Variants in HK3 observed in about 807,000 individuals in gnomAD.
HK3 encodes hexokinase 3, also known as hexokinase-3.
HK3 carries 93 observed loss-of-function variants against 91.0 expected under a neutral mutation model. The observed-to-expected ratio is 1.02, with a 90% CI of 0.86 to 1.21. HK3 has a LOEUF of 1.21. Ranked by LOEUF, HK3 falls within the 50% of genes most tolerant of loss-of-function variation. HK3 has a pLI of 0.00. For synonymous variants in HK3, 519 were observed against 516.9 expected (o/e 1.00, Z -0.06); for missense variants, 1,235 against 1,247.4 (o/e 0.99, Z 0.15).
Position 176,890,731 on chromosome 5 carries a change from C to G in HK3, c.535-1G>C. On this transcript the variant is annotated splice_acceptor_variant, in intron 5 of 18. Coordinates refer to ENST00000292432, the MANE Select transcript of HK3 (RefSeq NM_002115.3). LOFTEE classifies it high-confidence loss of function. ...CTTTGGTCCAGGAAATGAGGGTGCT[C>G]TGGAGGTAGAGAAGCTGGGTTACTC... 6.2e-7 allele frequency: 1 copy of G among 1,614,216 alleles called. No individual in the cohort carries two copies.
rs1022726806 is a variant in HK3, at chr5:176,884,683, G to T, written c.1858-549C>A. Among the ~76,000 whole-genome samples the T allele has an allele frequency of 2.0e-5, 3 of 152,240 alleles. No homozygotes were observed. The highest frequency in any genetic ancestry group is 4.8e-5 in the African/African-American group (2 of 41,458). On this transcript the variant is annotated intron_variant, in intron 13 of 18. Coordinates refer to ENST00000292432, the MANE Select transcript of HK3 (RefSeq NM_002115.3). This position sits in a 1 kb window ranked among gnomAD's most constrained non-coding sequence, Gnocchi z 4.1. The stretch of plus-strand genomic sequence containing the variant: ...ACCCAGGCCCCTGGGCAGGATGAAG[G>T]CTGAGTGCCCAGATTGTGAGAAAAG...
At chr5:176,883,327 A>G (rs1474497560) in intron 15 of HK3, among the ~76,000 whole-genome samples, 1 of 152,178 alleles carries the variant, frequency 6.6e-6, no homozygotes, top group Non-Finnish European at 1.5e-5. Flanking sequence ...TCCAAACACC[A>G]GGTGTGTACC....
At chr5:176,890,139 AGAC>A (rs1758727093) in intron 6 of HK3, among the ~76,000 whole-genome samples, 1 of 152,162 alleles carries the variant, frequency 6.6e-6, no homozygotes, top group South Asian at 2.1e-4. Flanking sequence ...AGGTTAGCCC[AGAC>A]GGATCAGCCT....
chr5:176,884,416 G>A lies in HK3; in HGVS notation c.1858-282C>T, dbSNP rs565562158. 9.2e-5 allele frequency among the ~76,000 whole-genome samples: 14 copies of A among 152,354 alleles called. No homozygotes were observed. The South Asian group carries it at 1.7e-3, about 18-fold the overall frequency. ...CTGGCCATTTTAAGACGTGTGCCCG[G>A]AAGGAATGGCCCTTTGTAATTGGGT... On this transcript the variant is annotated intron_variant, in intron 13 of 18. Coordinates refer to ENST00000292432, the MANE Select transcript of HK3 (RefSeq NM_002115.3). The surrounding 1 kb of genome is among the most constrained non-coding windows in gnomAD (Gnocchi z 4.1).
At position 176,887,888 on chromosome 5, in the gene HK3, G is replaced by C; in HGVS notation, c.1305-142C>G. 1.4e-6 allele frequency: 1 copy of C among 737,860 alleles called. No homozygotes were observed. The highest frequency in any genetic ancestry group is 2.2e-6 in the Non-Finnish European group (1 of 457,938). The allele number at this position is 737,860 out of a possible 1,614,324, so 45.7% of individuals were successfully genotyped here. On this transcript the variant is annotated intron_variant, in intron 10 of 18. Transcript: ENST00000292432. The surrounding 1 kb of genome is among the most constrained non-coding windows in gnomAD (Gnocchi z 4.9). ...CCCCTAGGGCCTCCTGAAGCCCAAG[G>C]CCCCATCACTTTTTTTTTTTTATTT...
Position 176,896,150 on chromosome 5 carries a change from T to C in HK3, c.10A>G (p.Ile4Val). The change falls in exon 2 of 19, where the codon ATT becomes GTT. Residue 4 changes from isoleucine to valine, a missense_variant. Transcript: ENST00000292432. Reference protein sequence around the residue: MDSIGSSGLRQGEE... With the variant: MDSVGSSGLRQGEE... ...CCCTGCCGCAACCCTGAAGACCCAA[T>C]GGAGTCCATGAGCTTCCACAGTGGA... The C allele has an allele frequency of 6.2e-7, 1 of 1,607,470 alleles. No homozygotes were observed. The highest frequency in any genetic ancestry group is 8.5e-7 in the Non-Finnish European group (1 of 1,177,264).
Position 176,880,987 on chromosome 5 carries a change from GTGGCTGGGCC to G in HK3, c.*76_*85del. ...ACATGGGATGTCCCAGGAGTCCTGGGTGGCTGGGCCTGGCTGGGAAACAGGCAGACCCCGA... is the reference window on the plus strand; with the variant it reads ...ACATGGGATGTCCCAGGAGTCCTGGGTGGCTGGGAAACAGGCAGACCCCGA... On this transcript the variant is annotated 3_prime_UTR_variant, in exon 19 of 19. Coordinates refer to ENST00000292432, the MANE Select transcript of HK3 (RefSeq NM_002115.3). 6.9e-7 allele frequency: 1 copy of G among 1,454,140 alleles called. No individual in the cohort carries two copies. The highest frequency in any genetic ancestry group is 9.1e-7 in the Non-Finnish European group (1 of 1,095,892). The allele number at this position is 1,454,140 out of a possible 1,614,324, so 90.1% of individuals were successfully genotyped here.
At chr5:176,882,460 G>A (rs991887302) in intron 15 of HK3, among the ~76,000 whole-genome samples, 2 of 152,248 alleles carry the variant, frequency 1.3e-5, no homozygotes, top group African/African-American at 2.4e-5. Flanking sequence ...GCTCTCTGCG[G>A]TTGAGAGGCC....
rs748833431 is a variant in HK3 at position 176,881,401 on chromosome 5, C to A, written c.2528G>T (p.Gly843Val). Reference sequence around the variant, plus strand: ...GATCTTCTCCACCACGGCAGCTACACCCGCCCCACAGAGCTGGGCAGCCCT... The same window carrying A: ...GATCTTCTCCACCACGGCAGCTACAACCGCCCCACAGAGCTGGGCAGCCCT... ...SQRAAQLCGA[G>V]VAAVVEKIRE... The change falls in exon 18 of 19, where the codon GGT (glycine) becomes GTT (valine). Residue 843 changes from glycine to valine, a missense_variant. Physicochemically the swap from Gly to Val is moderately radical, Grantham distance 109. Coordinates refer to ENST00000292432, the MANE Select transcript of HK3 (RefSeq NM_002115.3). The A allele has an allele frequency of 5.6e-6, 9 of 1,613,504 alleles. No individual in the cohort carries two copies. Among genetic ancestry groups the A allele is most frequent in the Non-Finnish European group, 7.6e-6 (9 of 1,180,034 alleles).
rs567292072 is a variant in HK3, at chr5:176,885,162, C to A, written c.1858-1028G>T. Among the ~76,000 whole-genome samples the A allele has an allele frequency of 2.5e-4, 38 of 152,314 alleles. 1 individual carries two copies. The highest frequency in any genetic ancestry group is 5.0e-4 in the Non-Finnish European group (34 of 68,022). On this transcript the variant is annotated intron_variant, in intron 13 of 18. Coordinates refer to ENST00000292432, the MANE Select transcript of HK3 (RefSeq NM_002115.3). ...CCTATGCCCTCCCCACTGGGCTGAACCCCTGTTCAGAAGGGATCTGAGAAA... is the reference window on the plus strand; with the variant it reads ...CCTATGCCCTCCCCACTGGGCTGAAACCCTGTTCAGAAGGGATCTGAGAAA...
chr5:176,896,075 TG>T lies in HK3; in HGVS notation c.84del (p.Asp28GlufsTer15), dbSNP rs1348309969. ...AGTGCTGAACTTACCAGCTCTGAGC[TG>T]TCTGAGGGCCCGGGCAAGCCCTCCT... The part of the protein sequence containing the change: ...CSEEGLPGPS[D>X]SSELVQECLQ... On this transcript the variant is annotated frameshift_variant, in exon 2 of 19. Coordinates refer to ENST00000292432, the MANE Select transcript of HK3 (RefSeq NM_002115.3). LOFTEE classifies it high-confidence loss of function. 56 of 1,613,636 alleles carry T rather than the reference TG, an allele frequency of 3.5e-5. 1 individual carries two copies. In the Middle Eastern group the frequency reaches 7.1e-3, roughly 205 times the overall value.
rs533079512 is a variant in HK3 at position 176,881,168 on chromosome 5, C to T, written c.2677G>A (p.Val893Met). Residue 893 changes from valine (V) to methionine (M), a missense_variant, in exon 19 of 19, where the codon GTG (valine) becomes ATG (methionine). Around this residue, in one of 3 missense-constraint regions of HK3, gnomAD observed 513 missense variants for 477.4 expected, o/e 1.07. Transcript: ENST00000292432. ...ATVRELAPRC[V>M]VTFLQSEDGS... ...TCCTCTGACTGCAGGAACGTGACCA[C>T]ACAGCGAGGGGCCAGCTCCCGCACT... The T allele has an allele frequency of 1.2e-6, 2 of 1,613,154 alleles. No homozygotes were observed. The highest frequency in any genetic ancestry group is 1.7e-5 in the Admixed American group (1 of 60,008).
In HK3 at chr5:176,888,547, G is replaced by T; in HGVS notation, c.1089C>A (p.Ala363=). The T allele has an allele frequency of 6.4e-7, 1 of 1,561,100 alleles. No individual in the cohort carries two copies. Among genetic ancestry groups the T allele is most frequent in the Non-Finnish European group, 8.7e-7 (1 of 1,151,684 alleles). Residue 363 remains alanine (A), a synonymous_variant, in exon 10 of 19, where the codon GCC becomes GCA. Coordinates refer to ENST00000292432, the MANE Select transcript of HK3 (RefSeq NM_002115.3). ...AGTCCTGCAGGATAGCATGGACACGGGCTGCCCCAGTAGAGGGGCTGGAGG... is the reference window on the plus strand; with the variant it reads ...AGTCCTGCAGGATAGCATGGACACGTGCTGCCCCAGTAGAGGGGCTGGAGG... ...AEMEDPSTGA[A]RVHAILQDLG... is the part of the protein sequence containing the mutation.
In HK3 at chr5:176,881,366, G is replaced by A. The variant is rs139040755; in HGVS notation, c.2563C>T (p.Arg855Trp). The change falls in exon 18 of 19, where the codon CGG (arginine) becomes TGG (tryptophan). Residue 855 changes from arginine (R) to tryptophan (W), a missense_variant. By Grantham distance (101) the Arg-to-Trp change is moderately radical. Around this residue, in one of 3 missense-constraint regions of HK3, gnomAD observed 513 missense variants for 477.4 expected, o/e 1.07. Transcript: ENST00000292432. ...AAVVEKIRENRGLEELAVSVG... is the reference protein window; with the variant it reads ...AAVVEKIRENWGLEELAVSVG... ...GACACTGCCAGCTCTTCCAGGCCCC[G>A]GTTCTCCCGGATCTTCTCCACCACG... 4.0e-5 allele frequency: 65 copies of A among 1,613,822 alleles called. No individual in the cohort carries two copies. In the Admixed American group the frequency reaches 8.7e-4, roughly 22 times the overall value.
intron 8 of HK3, 65 bp downstream of exon 8, chr5:176,889,316 G>T (rs966540180): frequency 2.2e-5 from 34 of 1,525,040 alleles, no homozygotes; most frequent in Non-Finnish European, 3.1e-5. Context: ...GGACAGAAGG[G>T]GTTGGGAGCA....
chr5:176,883,533 T>C (rs1401765108), intron 15 of HK3, among the ~76,000 whole-genome samples: 3 of 152,130 alleles, frequency 2.0e-5, no homozygotes, highest in Non-Finnish European at 4.4e-5. Flanking sequence ...CTCAGATTCA[T>C]TTATCAGATG....
At position 176,881,323 on chromosome 5, in the gene HK3, G is replaced by A. The variant is rs770331582; in HGVS notation, c.2606C>T (p.Thr869Met). The part of the protein sequence containing the change: ...ELAVSVGVDG[T>M]LYKLHPRFSS... Reference sequence around the variant, plus strand: ...TCACCGCGGGTGCAGCTTGTAGAGCGTTCCATCCACCCCCACAGACACTGC... The same window carrying A: ...TCACCGCGGGTGCAGCTTGTAGAGCATTCCATCCACCCCCACAGACACTGC... The change falls in exon 18 of 19, where the codon ACG (threonine) becomes ATG (methionine). Residue 869 changes from threonine to methionine, a missense_variant. This residue lies in a region of HK3 where 513 missense variants were observed against 477.4 expected (regional missense o/e 1.07). Coordinates refer to ENST00000292432, the MANE Select transcript of HK3 (RefSeq NM_002115.3). 13 of 1,613,774 alleles carry A rather than the reference G, an allele frequency of 8.1e-6. No homozygotes were observed. The highest frequency in any genetic ancestry group is 4.5e-5 in the East Asian group (2 of 44,886).
Position 176,881,147 on chromosome 5 carries a change from C to T in HK3, c.2698G>A (p.Glu900Lys), listed in dbSNP as rs546596860. ...GCCGCACCTTTGCCGGACCCATCCT[C>T]TGACTGCAGGAACGTGACCACACAG... is the stretch of plus-strand genomic sequence containing the variant. Reference protein sequence around the residue: ...PRCVVTFLQSEDGSGKGAALV... With the variant: ...PRCVVTFLQSKDGSGKGAALV... Residue 900 changes from glutamate (E) to lysine (K), a missense_variant, in exon 19 of 19, where the codon GAG becomes AAG. Glu to Lys is a moderately conservative substitution (Grantham distance 56). Coordinates refer to ENST00000292432, the MANE Select transcript of HK3 (RefSeq NM_002115.3). 15 of 1,613,040 alleles carry T rather than the reference C, an allele frequency of 9.3e-6. No individual in the cohort carries two copies. The Admixed American group carries it at 2.5e-4, about 27-fold the overall frequency.
chr5:176,888,568 G>A lies in HK3; in HGVS notation c.1071-3C>T, dbSNP rs1285886160. On this transcript the variant is annotated splice_region_variant and splice_polypyrimidine_tract_variant and intron_variant, in intron 9 of 18. Coordinates refer to ENST00000292432, the MANE Select transcript of HK3 (RefSeq NM_002115.3). The stretch of plus-strand genomic sequence containing the variant: ...CACGGGCTGCCCCAGTAGAGGGGCT[G>A]GAGGGGAAAGGGAAGTGGTTTGGGG... The A allele has an allele frequency of 3.8e-6, 6 of 1,573,942 alleles. No individual in the cohort carries two copies. Among genetic ancestry groups the A allele is most frequent in the Non-Finnish European group, 5.2e-6 (6 of 1,158,388 alleles).
Sources: allele counts gnomAD v4.1 joint callset (sites outside exome capture counted in the v4.1 genomes callset), GRCh38; gene constraint gnomAD v4.1.1; regional missense constraint gnomAD v4.1.1; non-coding constraint Gnocchi (gnomAD v3.1); transcripts MANE v1.5; gene names NCBI Gene and HGNC (gene_info 2026-07-23, HGNC 2026-07-21).